The following ZNF70 variants were observed in gnomAD, a reference collection of about 807,000 sequenced individuals.
The protein encoded by ZNF70 is zinc finger protein N27C7-1.
A neutral mutation model predicts 37.7 loss-of-function variants in ZNF70; 18 were observed. That is an observed-to-expected ratio of 0.48 (90% CI 0.33 to 0.71). The LOEUF (loss-of-function observed/expected upper bound fraction) is 0.71. ZNF70 is among the 30% of genes least tolerant of loss of function. The pLI is 0.02. For missense variants in ZNF70, 506 were observed against 568.6 expected, an observed-to-expected ratio of 0.89 and a Z score of 1.12; for synonymous variants, 219 against 220.1, an observed-to-expected ratio of 0.99 and a Z score of 0.05.
At position 23,745,045 on chromosome 22, in the gene ZNF70, C is replaced by G. The variant is rs924025443; in HGVS notation, c.96G>C (p.Gly32=). The stretch of plus-strand genomic sequence containing the variant: ...AACCTCTTTCCTGAAGAAAAGGGTC[C>G]CCCAGGTCCTCCCCTGGGAAAAGCC... The part of the protein sequence containing the change: ...QQGLFPGEDL[G]DPFLQERGLE... Residue 32 remains glycine, a synonymous_variant, in exon 2 of 2, where the codon GGG becomes GGC. Transcript: ENST00000341976. 1.4e-5 allele frequency: 23 copies of G among 1,614,082 alleles called. No individual in the cohort carries two copies. Among genetic ancestry groups the G allele is most frequent in the Non-Finnish European group, 1.8e-5 (21 of 1,180,038 alleles).
Position 23,744,885 on chromosome 22 carries a change from G to C in ZNF70, c.256C>G (p.Gln86Glu), listed in dbSNP as rs755339966. Reference protein sequence around the residue: ...HQSIPPGTRPQDDELFGQTFL... With the variant: ...HQSIPPGTRPEDDELFGQTFL... The stretch of plus-strand genomic sequence containing the variant: ...GTTTGTCCGAAGAGCTCATCATCCT[G>C]GGGTCTGGTTCCTGGGGGGATACTT... Residue 86 changes from glutamine (Q) to glutamate (E), a missense_variant, in exon 2 of 2, where the codon CAG (glutamine) becomes GAG (glutamate). Transcript: ENST00000341976. The C allele has an allele frequency of 6.2e-7, 1 of 1,614,068 alleles. No homozygotes were observed. Among genetic ancestry groups the C allele is most frequent in the Admixed American group, 1.7e-5 (1 of 60,008 alleles).
chr22:23,745,317 C>A lies in ZNF70; in HGVS notation c.-79-98G>T, dbSNP rs150737890. On this transcript the variant is annotated intron_variant, in intron 1 of 1. Coordinates refer to ENST00000341976, the MANE Select transcript of ZNF70 (RefSeq NM_021916.4). ...AATCTATGGTAGAAACAAGAAAATA[C>A]GCATAAGACACAATCTTGCCCTTAA... The A allele has an allele frequency of 2.7e-5, 18 of 675,432 alleles. No homozygotes were observed. The African/African-American group carries it at 3.1e-4, about 12-fold the overall frequency. 41.8% of individuals were successfully genotyped at this position (675,432 alleles called of 1,614,324 possible).
At chr22:23,747,193 AGAGTGGGGGACAGGC>A (rs1350988377) in intron 1 of ZNF70, among the ~76,000 whole-genome samples, 1 of 152,208 alleles carries the variant, frequency 6.6e-6, no homozygotes, top group Non-Finnish European at 1.5e-5. Context: ...CCCAACCCCC[AGAGTGGGGGACAGGC>A]ACCAGTCTGT....
chr22:23,745,725 C>T (rs1925098695), intron 1 of ZNF70, among the ~76,000 whole-genome samples: 1 of 152,090 alleles, frequency 6.6e-6, no homozygotes, highest in Admixed American at 6.6e-5. Flanking sequence ...GAGCGGAGAT[C>T]AGCCCACTGC....
Position 23,743,848 on chromosome 22 carries a change from G to C in ZNF70, c.1293C>G (p.Ser431Arg). 2 of 1,614,224 alleles carry C rather than the reference G, an allele frequency of 1.2e-6. No homozygotes were observed. Among genetic ancestry groups the C allele is most frequent in the Non-Finnish European group, 8.5e-7 (1 of 1,180,040 alleles). Residue 431 changes from serine to arginine, a missense_variant, in exon 2 of 2, where the codon AGC becomes AGG. By Grantham distance (110) the Ser-to-Arg change is moderately radical (BLOSUM62 -1). Transcript: ENST00000341976. ...CNLCGKSFRG[S>R]SHLIRHQKIH... ...TCTTCTGATGGCGAATCAGGTGCGA[G>C]CTCCCCCGGAAGGACTTGCCGCACA...
intron 1 of ZNF70, among the ~76,000 whole-genome samples, chr22:23,749,983 C>T (rs1413398926): frequency 1.3e-5 from 2 of 152,214 alleles, no homozygotes; most frequent in East Asian, 1.9e-4. Context: ...CTCACCTCCT[C>T]GTCCGGCTGC....
At chr22:23,747,189 C>T (rs892080092) in intron 1 of ZNF70, among the ~76,000 whole-genome samples, 3 of 152,134 alleles carry the variant, frequency 2.0e-5, no homozygotes, top group Non-Finnish European at 2.9e-5. Context: ...GGTCCCCAAC[C>T]CCCAGAGTGG....
At chr22:23,747,599 A>T (rs534048751) in intron 1 of ZNF70, among the ~76,000 whole-genome samples, 1 of 152,276 alleles carries the variant, frequency 6.6e-6, no homozygotes, top group South Asian at 2.1e-4. Flanking sequence ...TGGGAAGCCG[A>T]GGTGGGCAGA....
chr22:23,741,531 C>T lies in ZNF70; in HGVS notation c.*2269G>A, dbSNP rs1167067987. On this transcript the variant is annotated 3_prime_UTR_variant, in exon 2 of 2. Coordinates refer to ENST00000341976, the MANE Select transcript of ZNF70 (RefSeq NM_021916.4). Reference sequence around the variant, plus strand: ...TCCCACCATGACCTCTCCAGCCCATCATATCTGTCATTTGGAAATCTCTGG... The same window carrying T: ...TCCCACCATGACCTCTCCAGCCCATTATATCTGTCATTTGGAAATCTCTGG... 1 of 152,250 alleles carries T rather than the reference C, an allele frequency of 6.6e-6. No individual in the cohort carries two copies. Among genetic ancestry groups the T allele is most frequent in the Non-Finnish European group, 1.5e-5 (1 of 68,048 alleles). 9.4% of individuals were successfully genotyped at this position (152,250 alleles called of 1,614,324 possible). A position where few individuals can be genotyped will look rare whatever the true frequency, so the allele number is the denominator to read the frequency against.
intron 1 of ZNF70, among the ~76,000 whole-genome samples, chr22:23,749,263 C>A (rs1313176327): frequency 1.4e-5 from 2 of 140,238 alleles, no homozygotes; most frequent in Non-Finnish European, 3.0e-5. Flanking sequence ...GCAGGAGAAT[C>A]GCTTGAACCT....
At position 23,740,780 on chromosome 22, in the gene ZNF70, A is replaced by AAC; in HGVS notation, c.*3018_*3019dup. The AAC allele has an allele frequency of 6.6e-6, 1 of 151,622 alleles. No individual in the cohort carries two copies. Among genetic ancestry groups the AAC allele is most frequent in the Non-Finnish European group, 1.5e-5 (1 of 68,146 alleles). 9.4% of individuals were successfully genotyped at this position (151,622 alleles called of 1,614,324 possible). A position where few individuals can be genotyped will look rare whatever the true frequency, so the allele number is the denominator to read the frequency against. On this transcript the variant is annotated 3_prime_UTR_variant, in exon 2 of 2. Coordinates refer to ENST00000341976, the MANE Select transcript of ZNF70 (RefSeq NM_021916.4). ...TCAAAAAAAAAAAAAAAAAAAAAAA[A>AAC]ACTAATAAAACAAGGAAAGAATTTG...
intron 1 of ZNF70, among the ~76,000 whole-genome samples, chr22:23,749,527 CAAAAAA>C (rs61374101): frequency 8.3e-5 from 2 of 24,114 alleles, no homozygotes; most frequent in Non-Finnish European, 1.6e-4. Flanking sequence ...GACTCCGTCT[CAAAAAA>C]AAAAAAAAAA....
Position 23,743,902 on chromosome 22 carries a change from G to A in ZNF70, c.1239C>T (p.His413=), listed in dbSNP as rs1266006937. Residue 413 remains histidine (H), a synonymous_variant, in exon 2 of 2, where the codon CAC becomes CAT. Transcript: ENST00000341976. ...TGCACACGTAGGGCTTCTCTCTGGTGTGGGTTTTATAGTGCTCAATGAGGG... is the reference window on the plus strand; with the variant it reads ...TGCACACGTAGGGCTTCTCTCTGGTATGGGTTTTATAGTGCTCAATGAGGG... ...RSALIEHYKT[H]TREKPYVCNL... The A allele has an allele frequency of 2.5e-6, 4 of 1,613,030 alleles. No homozygotes were observed. The highest frequency in any genetic ancestry group is 1.3e-5 in the African/African-American group (1 of 74,902).
intron 1 of ZNF70, among the ~76,000 whole-genome samples, chr22:23,748,182 G>GACAAAA (rs1925195851): frequency 9.4e-6 from 1 of 106,650 alleles, no homozygotes; most frequent in African/African-American, 3.4e-5. Flanking sequence ...AACTGCCTCA[G>GACAAAA]AAAAAAAAAA....
chr22:23,749,090 C>A (rs1185683214), intron 1 of ZNF70, among the ~76,000 whole-genome samples: 2 of 151,080 alleles, frequency 1.3e-5, no homozygotes, highest in African/African-American at 4.9e-5. Context: ...AGGCCGGACG[C>A]GGTGGCTCAC....
intron 1 of ZNF70, among the ~76,000 whole-genome samples, chr22:23,748,180 C>CAAAA (rs528164661): frequency 7.7e-5 from 10 of 129,128 alleles, no homozygotes; most frequent in African/African-American, 2.9e-4. Flanking sequence ...GTAACTGCCT[C>CAAAA]AGAAAAAAAA....
chr22:23,745,317 C>T (rs150737890), intron 1 of ZNF70, 98 bp from the exon 2 acceptor site: 23 of 675,550 alleles, frequency 3.4e-5, no homozygotes, highest in South Asian at 1.2e-4. Flanking sequence ...CAAGAAAATA[C>T]GCATAAGACA....
In ZNF70 at chr22:23,744,278, G is replaced by C; in HGVS notation, c.863C>G (p.Ala288Gly). Residue 288 changes from alanine (A) to glycine (G), a missense_variant, in exon 2 of 2, where the codon GCC becomes GGC. Transcript: ENST00000341976. ...KPHECDLCGK[A>G]FCHRSHLIRH... ...GATGAGGTGTGACCTGTGACAAAAGGCTTTCCCACAGAGATCGCACTCGTG... is the reference window on the plus strand; with the variant it reads ...GATGAGGTGTGACCTGTGACAAAAGCCTTTCCCACAGAGATCGCACTCGTG... 1 of 1,613,926 alleles carries C rather than the reference G, an allele frequency of 6.2e-7. No homozygotes were observed. The highest frequency in any genetic ancestry group is 1.1e-5 in the South Asian group (1 of 91,072).
rs763150126 is a variant in ZNF70 at position 23,740,860 on chromosome 22, T to C, written c.*2940A>G. 3.3e-5 allele frequency: 5 copies of C among 151,396 alleles called. No homozygotes were observed. The highest frequency in any genetic ancestry group is 7.4e-5 in the Non-Finnish European group (5 of 67,940). The allele number at this position is 151,396 out of a possible 1,614,324, so 9.4% of individuals were successfully genotyped here. On this transcript the variant is annotated 3_prime_UTR_variant, in exon 2 of 2. Coordinates refer to ENST00000341976, the MANE Select transcript of ZNF70 (RefSeq NM_021916.4). ...TCCAAAAAAGAACCTGGTCTTACCA[T>C]GTTTATCTGTTAACCCTTGGGAGAG... is the stretch of plus-strand genomic sequence containing the variant.
Sources: allele counts gnomAD v4.1 joint callset (sites outside exome capture counted in the v4.1 genomes callset), GRCh38; gene constraint gnomAD v4.1.1; transcripts MANE v1.5; gene names NCBI Gene and HGNC (gene_info 2026-07-23, HGNC 2026-07-21).